The following CLASP1 variants were observed in gnomAD, a reference collection of about 807,000 sequenced individuals.
CLASP1 encodes the protein cytoplasmic linker associated protein 1, also known as CLIP-associating protein 1.
Under a neutral mutation model 192.3 loss-of-function variants are expected in CLASP1, and 38 were observed. That is an observed-to-expected ratio of 0.20 (90% confidence interval 0.15 to 0.26). The LOEUF (loss-of-function observed/expected upper bound fraction) is 0.26, where lower values mean the gene tolerates loss of function less well. CLASP1 is among the 10% of genes least tolerant of loss of function. CLASP1 has a pLI of 1.00. For synonymous variants in CLASP1, 691 were observed against 712.8 expected, an observed-to-expected ratio of 0.97 and a Z score of 0.49; for missense variants, 1,433 against 1,932.5, an observed-to-expected ratio of 0.74 and a Z score of 4.85.
At chr2:121,516,449 G>A (rs1374060219) in intron 6 of CLASP1, among the ~76,000 whole-genome samples, 1 of 152,236 alleles carries the variant, frequency 6.6e-6, no homozygotes, top group African/African-American at 2.4e-5. Context: ...GACACAGCCT[G>A]TGCAAAGGCA....
At chr2:121,492,284 G>C (rs1007733113) in intron 8 of CLASP1, among the ~76,000 whole-genome samples, 1 of 151,264 alleles carries the variant, frequency 6.6e-6, no homozygotes, top group Non-Finnish European at 1.5e-5. Context: ...AGCTACCCGG[G>C]AGGCTGAGGC....
chr2:121,476,478 A>C (rs78701736), intron 8 of CLASP1, among the ~76,000 whole-genome samples: 21 of 152,358 alleles, frequency 1.4e-4, no homozygotes, highest in African/African-American at 4.3e-4. Flanking sequence ...ACTTGTAATT[A>C]GAAGCTTTGG....
At chr2:121,628,048 T>C (rs1301077044) in intron 1 of CLASP1, among the ~76,000 whole-genome samples, 1 of 152,244 alleles carries the variant, frequency 6.6e-6, no homozygotes, top group Non-Finnish European at 1.5e-5. Context: ...GTCTGTACTT[T>C]ACTAAGTTTA....
At chr2:121,619,919 T>C (rs1004245247) in intron 1 of CLASP1, among the ~76,000 whole-genome samples, 3 of 152,154 alleles carry the variant, frequency 2.0e-5, no homozygotes, top group Non-Finnish European at 2.9e-5. Flanking sequence ...TTTACTTTTA[T>C]ATCTGTTAGA....
intron 7 of CLASP1, among the ~76,000 whole-genome samples, chr2:121,506,681 G>C (rs890802133): frequency 6.6e-6 from 1 of 152,124 alleles, no homozygotes. Flanking sequence ...TGAACAAGCA[G>C]GAAGTAAAAA....
chr2:121,561,480 T>G (rs1239686587), intron 2 of CLASP1, among the ~76,000 whole-genome samples: 1 of 152,116 alleles, frequency 6.6e-6, no homozygotes, highest in East Asian at 1.9e-4. Context: ...AATGGAACAA[T>G]AAGACAAATA....
intron 32 of CLASP1, among the ~76,000 whole-genome samples, chr2:121,383,181 C>T (rs560585468): frequency 1.3e-5 from 2 of 152,226 alleles, no homozygotes; most frequent in East Asian, 3.9e-4. Flanking sequence ...GGGGTAAGGC[C>T]ATGGGTGGAG....
chr2:121,382,214 G>C lies in CLASP1; in HGVS notation c.3485C>G (p.Ser1162Cys), dbSNP rs370142149. Residue 1162 changes from serine (S) to cysteine (C), a missense_variant, in exon 33 of 40, where the codon TCT becomes TGT. Ser to Cys is a moderately radical substitution (Grantham distance 112). Transcript: ENST00000263710. Reference sequence around the variant, plus strand: ...TTGACAGGTAGCTTGTTACCTGGGAGAGTAAGAGCGCCTGAGAGCCTTGTG... The same window carrying C: ...TTGACAGGTAGCTTGTTACCTGGGACAGTAAGAGCGCCTGAGAGCCTTGTG... 4.4e-6 allele frequency: 7 copies of C among 1,605,810 alleles called. 1 individual carries two copies. The East Asian group carries it at 8.9e-5, about 21-fold the overall frequency.
intron 23 of CLASP1, among the ~76,000 whole-genome samples, chr2:121,415,031 T>C (rs1404992966): frequency 6.6e-6 from 1 of 152,136 alleles, no homozygotes; most frequent in Admixed American, 6.6e-5. Context: ...CTTCCCGCCT[T>C]AGCCTTCCAA....
At chr2:121,383,409 C>A (rs999261697) in intron 32 of CLASP1, among the ~76,000 whole-genome samples, 2 of 152,180 alleles carry the variant, frequency 1.3e-5, no homozygotes, top group Non-Finnish European at 2.9e-5. Flanking sequence ...GGGTCAGATG[C>A]ACACACTGGG....
intron 6 of CLASP1, among the ~76,000 whole-genome samples, chr2:121,524,239 C>T (rs555708533): frequency 9.9e-5 from 15 of 152,244 alleles, no homozygotes; most frequent in African/African-American, 2.9e-4. Context: ...GTGGCGGCAG[C>T]GAAACCCCCA....
At chr2:121,413,028 T>A (rs1574495283) in intron 23 of CLASP1, among the ~76,000 whole-genome samples, 2 of 152,174 alleles carry the variant, frequency 1.3e-5, no homozygotes, top group East Asian at 3.9e-4. Context: ...GAGGCCAAGG[T>A]GGGTAAATCG....
At chr2:121,490,245 C>T in intron 8 of CLASP1, 1 of 443,052 alleles carries the variant, frequency 2.3e-6, no homozygotes, top group South Asian at 1.6e-5. Context: ...ATTATAAACA[C>T]TTTTCAGAAT....
intron 1 of CLASP1, among the ~76,000 whole-genome samples, chr2:121,620,975 C>G (rs1244462060): frequency 6.6e-6 from 1 of 152,108 alleles, no homozygotes; most frequent in Non-Finnish European, 1.5e-5. Context: ...CACCTGTAAT[C>G]CCGGCAGCTT....
Sources: allele counts gnomAD v4.1 joint callset (sites outside exome capture counted in the v4.1 genomes callset), GRCh38; gene constraint gnomAD v4.1.1; transcripts MANE v1.5; gene names NCBI Gene and HGNC (gene_info 2026-07-23, HGNC 2026-07-21).